The following CFAP46 variants were observed in gnomAD, a reference collection of about 807,000 sequenced individuals.
CFAP46 encodes cilia- and flagella-associated protein 46.
In CFAP46, 245 loss-of-function variants were observed where a neutral mutation model predicts 325.7. The observed-to-expected ratio is 0.75, with a 90% CI of 0.68 to 0.84. CFAP46 has a LOEUF of 0.84. Ranked by LOEUF, CFAP46 falls within the 40% of genes least tolerant of loss-of-function variation. The pLI, the probability that CFAP46 is intolerant of heterozygous loss-of-function variation, is 0.00. For synonymous variants in CFAP46, 1,523 were observed against 1,495.9 expected, an observed-to-expected ratio of 1.02 and a Z score of -0.42; for missense variants, 3,346 against 3,543.0, an observed-to-expected ratio of 0.94 and a Z score of 1.41.
chr10:132,829,981 A>ATT (rs74258812), intron 50 of CFAP46, among the ~76,000 whole-genome samples: 3 of 142,908 alleles, frequency 2.1e-5, no homozygotes, highest in South Asian at 4.4e-4. Context: ...ATATTGGTCC[A>ATT]TTTTTTTTTT....
At chr10:132,834,502 G>T (rs1848204819) in intron 48 of CFAP46, 152 bp downstream of exon 48, 3 of 1,111,670 alleles carry the variant, frequency 2.7e-6, no homozygotes, top group South Asian at 1.6e-5. Context: ...AGAACCAGAA[G>T]AATTGCTTCC....
chr10:132,933,212 C>G (rs1336458194), intron 8 of CFAP46, among the ~76,000 whole-genome samples: 1 of 152,194 alleles, frequency 6.6e-6, no homozygotes, highest in Non-Finnish European at 1.5e-5. Flanking sequence ...CCACCTCCTC[C>G]TCCCCCTGCT....
chr10:132,887,473 C>G (rs1306968768), intron 25 of CFAP46, among the ~76,000 whole-genome samples: 3 of 121,954 alleles, frequency 2.5e-5, no homozygotes, highest in Non-Finnish European at 5.2e-5. Context: ...TCTTCTCTCT[C>G]TCCTCTCCTC....
intron 57 of CFAP46, among the ~76,000 whole-genome samples, chr10:132,809,535 C>T (rs1412014329): frequency 2.6e-5 from 4 of 152,196 alleles, no homozygotes; most frequent in Non-Finnish European, 5.9e-5. Context: ...GGACCGTGGA[C>T]CACGTGCTCT....
At chr10:132,923,998 G>T (rs548798921) in intron 11 of CFAP46, among the ~76,000 whole-genome samples, 5 of 152,262 alleles carry the variant, frequency 3.3e-5, no homozygotes, top group Admixed American at 2.6e-4. Context: ...CAGACAGGGA[G>T]CGGGGGCTGA....
At position 132,851,166 on chromosome 10, in the gene CFAP46, A is replaced by G; in HGVS notation, c.5714T>C (p.Leu1905Pro). ...QQSEQGSLEK[L>P]LADYLQNTSD... ...GGTGTTCTGCAGATAGTCCGCCAGC[A>G]GCTTCTCCAGGGACCCCTGCTCACT... is the stretch of plus-strand genomic sequence containing the variant. Residue 1905 changes from leucine (L) to proline (P), a missense_variant, in exon 40 of 58, where the codon CTG becomes CCG. By Grantham distance (98) the Leu-to-Pro change is moderately conservative. Coordinates refer to ENST00000368586, the MANE Select transcript of CFAP46 (RefSeq NM_001200049.3). 6.2e-7 allele frequency: 1 copy of G among 1,614,098 alleles called. No individual in the cohort carries two copies. The highest frequency in any genetic ancestry group is 8.5e-7 in the Non-Finnish European group (1 of 1,180,040).
intron 38 of CFAP46, among the ~76,000 whole-genome samples, chr10:132,858,055 G>A (rs1468660127): frequency 2.0e-5 from 3 of 152,232 alleles, no homozygotes; most frequent in African/African-American, 7.2e-5. Context: ...TTTACCCAGC[G>A]GGCTGGGTCT....
rs144810186 is a variant in CFAP46 at position 132,841,342 on chromosome 10, G to A, written c.6439-4428C>T. ...CAAGCCCCAACCCCACAGGGCTGAT[G>A]TGATCCTGAATTCAGGGAATGGTCT... is the stretch of plus-strand genomic sequence containing the variant. On this transcript the variant is annotated intron_variant, in intron 44 of 57. Coordinates refer to ENST00000368586, the MANE Select transcript of CFAP46 (RefSeq NM_001200049.3). 4.2e-3 allele frequency among the ~76,000 whole-genome samples: 642 copies of A among 152,384 alleles called. 2 individuals are homozygous for A. Among genetic ancestry groups the A allele is most frequent in the Middle Eastern group, 0.02 (6 of 294 alleles).
intron 20 of CFAP46, 40 bp from the exon 21 acceptor site, chr10:132,909,284 G>A (rs1233249369): frequency 2.1e-6 from 3 of 1,406,850 alleles, no homozygotes; most frequent in South Asian, 1.2e-5. Context: ...GCCCAAGCGT[G>A]CGGGGGGAGT....
rs975239743 is a variant in CFAP46 at position 132,942,070 on chromosome 10, G to C, written c.84C>G (p.Ile28Met). 8.4e-6 allele frequency: 13 copies of C among 1,551,620 alleles called. No individual in the cohort carries two copies. The highest frequency in any genetic ancestry group is 1.7e-4 in the Middle Eastern group (1 of 6,010). Residue 28 changes from isoleucine (I) to methionine (M), a missense_variant, in exon 2 of 58, where the codon ATC becomes ATG. Physicochemically the swap from Ile to Met is conservative, Grantham distance 10. Transcript: ENST00000368586. ...CCGATTTCCCTAGGTTGGCCGATTT[G>C]ATCAACTCGTAGGCCTTCTTCAAGG... ...AASLKKAYEL[I>M]KSANLGKSEF...
At chr10:132,931,602 C>A (rs1849904643) in intron 8 of CFAP46, among the ~76,000 whole-genome samples, 1 of 140,748 alleles carries the variant, frequency 7.1e-6, no homozygotes, top group African/African-American at 2.7e-5. Context: ...GGGCCTTCCC[C>A]ATACAGAGGC....
At position 132,924,768 on chromosome 10, in the gene CFAP46, A is replaced by T. The variant is rs751926859; in HGVS notation, c.1184T>A (p.Leu395Gln). ...ATQWNTCLPLLQHNLRHHLRK... is the reference protein window; with the variant it reads ...ATQWNTCLPLQQHNLRHHLRK... ...CAGGTGGTGCCGCAGGTTGTGCTGC[A>T]GCAGGGGCAGGCAGGTGTTCCACTG... Residue 395 changes from leucine (L) to glutamine (Q), a missense_variant, in exon 11 of 58, where the codon CTG becomes CAG. Leu to Gln is a moderately radical substitution (Grantham distance 113). Transcript: ENST00000368586. 4.6e-6 allele frequency: 7 copies of T among 1,535,914 alleles called. No individual in the cohort carries two copies. Among genetic ancestry groups the T allele is most frequent in the Middle Eastern group, 3.4e-4 (2 of 5,812 alleles).
chr10:132,934,943 T>C lies in CFAP46; in HGVS notation c.756-81A>G, dbSNP rs912558044. 5.5e-6 allele frequency: 5 copies of C among 916,490 alleles called. No individual in the cohort carries two copies. The Admixed American group carries it at 8.0e-5, about 15-fold the overall frequency. 56.8% of individuals were successfully genotyped at this position (916,490 alleles called of 1,614,324 possible). On this transcript the variant is annotated intron_variant, in intron 7 of 57. Coordinates refer to ENST00000368586, the MANE Select transcript of CFAP46 (RefSeq NM_001200049.3). ...TCTTCTAAGAGAAACTCTGCGTGTATGAAATTGTGTTTCTCACTGAAGAGG... is the reference window on the plus strand; with the variant it reads ...TCTTCTAAGAGAAACTCTGCGTGTACGAAATTGTGTTTCTCACTGAAGAGG...
chr10:132,890,431 AC>A (rs1849238500), intron 25 of CFAP46, among the ~76,000 whole-genome samples: 1 of 152,060 alleles, frequency 6.6e-6, no homozygotes, highest in African/African-American at 2.4e-5. Context: ...AGTCACTTGG[AC>A]CCCCGTCACT....
chr10:132,910,417 G>T (rs1264499056), intron 19 of CFAP46, among the ~76,000 whole-genome samples: 1 of 152,246 alleles, frequency 6.6e-6, no homozygotes, highest in Admixed American at 6.5e-5. Flanking sequence ...CAAGGACGGA[G>T]CCCCGAAAGT....
At chr10:132,938,078 G>A (rs540369468) in intron 5 of CFAP46, among the ~76,000 whole-genome samples, 24 of 152,200 alleles carry the variant, frequency 1.6e-4, no homozygotes, top group Non-Finnish European at 2.9e-4. Flanking sequence ...AGAGAGGCTC[G>A]GACCCGTTTC....
intron 21 of CFAP46, 107 bp downstream of exon 21, chr10:132,909,030 G>A (rs911695156): frequency 1.3e-6 from 1 of 750,678 alleles, no homozygotes; most frequent in African/African-American, 1.7e-5. Flanking sequence ...GGGGCAGAGT[G>A]GGGGTGAGCA....
Position 132,941,047 on chromosome 10 carries a change from T to C in CFAP46, c.320A>G (p.Asn107Ser). The C allele has an allele frequency of 2.5e-6, 4 of 1,614,164 alleles. No homozygotes were observed. Among genetic ancestry groups the C allele is most frequent in the Non-Finnish European group, 3.4e-6 (4 of 1,180,020 alleles). The change falls in exon 4 of 58, where the codon AAT becomes AGT. Residue 107 changes from asparagine (N) to serine (S), a missense_variant. Asn to Ser is a conservative substitution (Grantham distance 46). Transcript: ENST00000368586. ...GGCCTTCATGTACTCAGTCACGCAATTTTCAAATTCCTCCTAAGGCAACAT... is the reference window on the plus strand; with the variant it reads ...GGCCTTCATGTACTCAGTCACGCAACTTTCAAATTCCTCCTAAGGCAACAT... The part of the protein sequence containing the change: ...KSAENLEEFE[N>S]CVTEYMKAIN...
intron 50 of CFAP46, among the ~76,000 whole-genome samples, chr10:132,829,217 G>C (rs1848109806): frequency 6.6e-6 from 1 of 151,862 alleles, no homozygotes; most frequent in Non-Finnish European, 1.5e-5. Flanking sequence ...CTCTCCATTT[G>C]TTGAGTTCTT....
Sources: allele counts gnomAD v4.1 joint callset (sites outside exome capture counted in the v4.1 genomes callset), GRCh38; gene constraint gnomAD v4.1.1; transcripts MANE v1.5; gene names NCBI Gene and HGNC (gene_info 2026-07-23, HGNC 2026-07-21).